The following ECHDC2 variants were observed in gnomAD, a reference collection of about 807,000 sequenced individuals.
ECHDC2 encodes enoyl-CoA hydratase domain containing 2, also known as enoyl-CoA hydratase domain-containing protein 2, mitochondrial.
In ECHDC2, 34 loss-of-function variants were observed where a neutral mutation model predicts 40.6. That is an observed-to-expected ratio of 0.84 (90% confidence interval 0.64 to 1.11). ECHDC2 has a LOEUF of 1.11. Ranked by LOEUF, ECHDC2 falls within the 50% of genes most tolerant of loss-of-function variation. The pLI is 0.00. For synonymous variants in ECHDC2, 162 were observed against 166.6 expected (o/e 0.97, Z 0.21); for missense variants, 392 against 400.7 (o/e 0.98, Z 0.19).
intron 6 of ECHDC2, 33 bp from the exon 7 acceptor site, chr1:52,904,866 G>C (rs779117220): frequency 6.4e-5 from 103 of 1,601,928 alleles, no homozygotes; most frequent in Non-Finnish European, 8.3e-5. Context: ...GTGGGAATCA[G>C]CATGGGAAGT....
intron 1 of ECHDC2, among the ~76,000 whole-genome samples, chr1:52,919,731 A>G (rs942377314): frequency 6.6e-6 from 1 of 152,160 alleles, no homozygotes; most frequent in Non-Finnish European, 1.5e-5. Context: ...ATGAACATCA[A>G]ATGACCCCAA....
chr1:52,915,420 C>T (rs1375534442), intron 1 of ECHDC2: 1 of 452,050 alleles, frequency 2.2e-6, no homozygotes, highest in Admixed American at 2.4e-5. Context: ...AGAACTATGG[C>T]TAGGGGCAAA....
chr1:52,896,427 G>A lies in ECHDC2; in HGVS notation c.*93C>T, dbSNP rs1646637515. The A allele has an allele frequency of 1.0e-6, 1 of 966,548 alleles. No homozygotes were observed. Among genetic ancestry groups the A allele is most frequent in the East Asian group, 2.4e-5 (1 of 41,810 alleles). The allele number at this position is 966,548 out of a possible 1,614,324, so 59.9% of individuals were successfully genotyped here. A position where few individuals can be genotyped will look rare whatever the true frequency, so the allele number is the denominator to read the frequency against. ...TTGTGAAGAAATGGAAGTCTGGAGA[G>A]GTGAAATGATGAAGGCAATCTGGCC... On this transcript the variant is annotated 3_prime_UTR_variant, in exon 10 of 10. Transcript: ENST00000371522.
At chr1:52,918,989 A>C (rs1388881534) in intron 1 of ECHDC2, among the ~76,000 whole-genome samples, 1 of 152,142 alleles carries the variant, frequency 6.6e-6, no homozygotes, top group Non-Finnish European at 1.5e-5. Context: ...ACCTCCTATC[A>C]GATCAGTGGT....
chr1:52,905,392 C>T (rs539008777), intron 5 of ECHDC2: 222 of 466,568 alleles, frequency 4.8e-4, no homozygotes, highest in African/African-American at 3.8e-3. Context: ...TTCAGAGAGC[C>T]GCTAAGGATC....
Position 52,905,097 on chromosome 1 carries a change from A to C in ECHDC2, c.458-7T>G. 6.2e-7 allele frequency: 1 copy of C among 1,613,674 alleles called. No homozygotes were observed. The highest frequency in any genetic ancestry group is 8.5e-7 in the Non-Finnish European group (1 of 1,180,010). On this transcript the variant is annotated splice_region_variant and splice_polypyrimidine_tract_variant and intron_variant, in intron 5 of 9. Transcript: ENST00000371522. ...CCCATGACTGCCGAGGAAGCTGCTC[A>C]GATAGAACAAAGTGAGGCCTCCCTC...
intron 9 of ECHDC2, 46 bp from the exon 10 acceptor site, chr1:52,896,643 G>T: frequency 1.3e-6 from 2 of 1,515,762 alleles, no homozygotes; most frequent in Non-Finnish European, 9.2e-7. Flanking sequence ...CAGGGCCACA[G>T]GCCCAAAAAG....
intron 7 of ECHDC2, chr1:52,900,567 A>G (rs1445584607): frequency 1.3e-5 from 2 of 152,210 alleles, no homozygotes; most frequent in Admixed American, 1.3e-4. Flanking sequence ...TAAATATGTA[A>G]GCATATGTGC....
intron 7 of ECHDC2, 141 bp downstream of exon 7, chr1:52,904,505 A>C: frequency 1.3e-6 from 1 of 743,352 alleles, no homozygotes; most frequent in South Asian, 2.4e-5. Context: ...GATTGTGTTT[A>C]CTGGATGGTT....
chr1:52,921,505 G>C (rs761808476), intron 1 of ECHDC2, 48 bp downstream of exon 1: 1 of 1,577,228 alleles, frequency 6.3e-7, no homozygotes, highest in South Asian at 1.2e-5. Flanking sequence ...CGCTGCCTCC[G>C]GCCTAGTCCC....
intron 3 of ECHDC2, 37 bp downstream of exon 3, chr1:52,911,529 C>G (rs1649483132): frequency 6.2e-7 from 1 of 1,606,044 alleles, no homozygotes; most frequent in Admixed American, 1.7e-5. Flanking sequence ...GGTGGGCACC[C>G]TGCAGAGCAC....
intron 3 of ECHDC2, among the ~76,000 whole-genome samples, chr1:52,908,722 T>C (rs1648592331): frequency 6.6e-6 from 1 of 151,602 alleles, no homozygotes; most frequent in South Asian, 2.1e-4. Flanking sequence ...TCACCTGAGG[T>C]CACGAGTTCA....
Position 52,905,073 on chromosome 1 carries a change from C to T in ECHDC2, c.475G>A (p.Gly159Arg), listed in dbSNP as rs766532541. Reference sequence around the variant, plus strand: ...AGCCCTCGCGTGGTCTCAATCAGTCCCATGACTGCCGAGGAAGCTGCTCAG... The same window carrying T: ...AGCCCTCGCGTGGTCTCAATCAGTCTCATGACTGCCGAGGAAGCTGCTCAG... ...LRVAASSAVM[G>R]LIETTRGLLP... The change falls in exon 6 of 10, where the codon GGA (glycine) becomes AGA (arginine). Residue 159 changes from glycine to arginine, a missense_variant. Physicochemically the swap from Gly to Arg is moderately radical, Grantham distance 125. Transcript: ENST00000371522. 2 of 1,614,010 alleles carry T rather than the reference C, an allele frequency of 1.2e-6. No homozygotes were observed. Among genetic ancestry groups the T allele is most frequent in the East Asian group, 2.2e-5 (1 of 44,894 alleles).
Position 52,921,557 on chromosome 1 carries a change from G to T in ECHDC2, c.117C>A (p.Asp39Glu). The T allele has an allele frequency of 6.2e-7, 1 of 1,609,580 alleles. No individual in the cohort carries two copies. The highest frequency in any genetic ancestry group is 8.5e-7 in the Non-Finnish European group (1 of 1,178,590). ...GCCCCGGAACTGCACATTTACCTTG[G>T]TCCGGACCCGCCAGGGCGCGCACTT... ...EIQVRALAGP[D>E]QGITEILMNR... The change falls in exon 1 of 10, where the codon GAC (aspartate) becomes GAA (glutamate). Residue 39 changes from aspartate to glutamate, a missense_variant. Coordinates refer to ENST00000371522, the MANE Select transcript of ECHDC2 (RefSeq NM_001198961.2).
rs368516848 is a variant in ECHDC2, at chr1:52,921,568, C to T, written c.106G>A (p.Ala36Thr). 2.5e-6 allele frequency: 4 copies of T among 1,609,776 alleles called. No individual in the cohort carries two copies. Among genetic ancestry groups the T allele is most frequent in the Non-Finnish European group, 3.4e-6 (4 of 1,178,650 alleles). Residue 36 changes from alanine to threonine, a missense_variant, in exon 1 of 10, where the codon GCG becomes ACG. Physicochemically the swap from Ala to Thr is moderately conservative, Grantham distance 58. Coordinates refer to ENST00000371522, the MANE Select transcript of ECHDC2 (RefSeq NM_001198961.2). ...GGSEIQVRALAGPDQGITEIL... is the reference protein window; with the variant it reads ...GGSEIQVRALTGPDQGITEIL... ...GCACATTTACCTTGGTCCGGACCCGCCAGGGCGCGCACTTGGATCTCTGAG... is the reference window on the plus strand; with the variant it reads ...GCACATTTACCTTGGTCCGGACCCGTCAGGGCGCGCACTTGGATCTCTGAG...
At chr1:52,899,991 C>CAAAAA (rs60668587) in intron 7 of ECHDC2, 2 of 114,592 alleles carry the variant, frequency 1.7e-5, no homozygotes. Context: ...GGAAAAGTCT[C>CAAAAA]AAAAAAAAAA....
intron 7 of ECHDC2, chr1:52,901,877 A>G (rs1038679580): frequency 1.3e-5 from 2 of 152,230 alleles, no homozygotes; most frequent in African/African-American, 4.8e-5. Flanking sequence ...CTACAGGTCT[A>G]GATATGAAAG....
chr1:52,916,679 C>T (rs2150070108), intron 1 of ECHDC2, among the ~76,000 whole-genome samples: 1 of 152,272 alleles, frequency 6.6e-6, no homozygotes, highest in East Asian at 1.9e-4. Context: ...TTCAATTGTG[C>T]AACATTTAAT....
chr1:52,915,497 G>A (rs950406190), intron 1 of ECHDC2, among the ~76,000 whole-genome samples: 1 of 152,184 alleles, frequency 6.6e-6, no homozygotes, highest in Admixed American at 6.5e-5. Flanking sequence ...AGCTCTTAGA[G>A]CCCAGCAGGT....
Sources: gnomAD v4.1 joint callset for allele counts (sites outside exome capture counted in the v4.1 genomes callset) on GRCh38, gnomAD v4.1.1 for gene constraint, MANE v1.5 for transcripts, NCBI Gene and HGNC (gene_info 2026-07-23, HGNC 2026-07-21) for gene names.